Variants in THADA observed in about 807,000 individuals in gnomAD.
THADA encodes tRNA (32-2'-O)-methyltransferase regulator THADA.
Under a neutral mutation model 219.8 loss-of-function variants are expected in THADA, and 213 were observed. The ratio of observed to expected loss-of-function variants is 0.97; its 90% confidence interval spans 0.87 to 1.09. The LOEUF is 1.09. Among genes scored for constraint, THADA ranks in the 50% least tolerant of loss-of-function variants. THADA has a pLI of 0.00. For missense variants in THADA, 2,956 were observed against 2,311.3 expected (o/e 1.28, Z -5.72); for synonymous variants, 1,018 against 828.9 (o/e 1.23, Z -3.92).
intron 3 of THADA, 109 bp from the exon 4 acceptor site, chr2:43,591,063 G>C (rs932683591): frequency 6.8e-6 from 7 of 1,032,778 alleles, no homozygotes; most frequent in Non-Finnish European, 9.7e-6. Context: ...GCTCACCCCT[G>C]TAATCCCAAC....
intron 30 of THADA, among the ~76,000 whole-genome samples, chr2:43,333,736 G>A (rs1441171289): frequency 4.6e-5 from 7 of 152,232 alleles, no homozygotes; most frequent in South Asian, 4.1e-4. Flanking sequence ...CAATCATCCT[G>A]GACTGGATTC....
chr2:43,507,405 A>T (rs889382202), intron 23 of THADA, among the ~76,000 whole-genome samples: 1 of 152,180 alleles, frequency 6.6e-6, no homozygotes, highest in Non-Finnish European at 1.5e-5. Flanking sequence ...CTGTCTTAAC[A>T]TTTGATCTCA....
At chr2:43,445,459 T>C (rs972563439) in intron 26 of THADA, among the ~76,000 whole-genome samples, 4 of 152,192 alleles carry the variant, frequency 2.6e-5, no homozygotes, top group African/African-American at 9.7e-5. Context: ...AGAAAAGAGA[T>C]GTCAGGAGTC....
At chr2:43,489,832 T>A (rs1446220248) in intron 25 of THADA, among the ~76,000 whole-genome samples, 1 of 145,438 alleles carries the variant, frequency 6.9e-6, no homozygotes, top group Non-Finnish European at 1.5e-5. Context: ...TTGTTTTGGC[T>A]ATTATGGGTC....
chr2:43,498,591 G>A (rs1688559269), intron 25 of THADA, among the ~76,000 whole-genome samples: 2 of 151,652 alleles, frequency 1.3e-5, no homozygotes, highest in Admixed American at 1.3e-4. Flanking sequence ...CATACATACT[G>A]TAAACCCTAA....
At chr2:43,456,616 G>A (rs185166055) in intron 26 of THADA, among the ~76,000 whole-genome samples, 11 of 151,796 alleles carry the variant, frequency 7.2e-5, no homozygotes, top group Admixed American at 4.6e-4. Flanking sequence ...TCTATAAAAT[G>A]GGAATAATAG....
intron 31 of THADA, among the ~76,000 whole-genome samples, chr2:43,304,758 G>A (rs571488244): frequency 6.7e-6 from 1 of 149,730 alleles, no homozygotes; most frequent in South Asian, 2.1e-4. Context: ...CGCAACCTCC[G>A]CCTTTCGGGT....
At chr2:43,284,140 T>C (rs933537552) in intron 35 of THADA, among the ~76,000 whole-genome samples, 4 of 152,058 alleles carry the variant, frequency 2.6e-5, no homozygotes, top group East Asian at 1.9e-4. Flanking sequence ...GATCGTGCCA[T>C]TGCACTGCAG....
chr2:43,338,061 A>C (rs1666667490), intron 30 of THADA, among the ~76,000 whole-genome samples: 1 of 152,140 alleles, frequency 6.6e-6, no homozygotes, highest in Admixed American at 6.5e-5. Context: ...GATGAAATAT[A>C]CATAATATAA....
intron 25 of THADA, among the ~76,000 whole-genome samples, chr2:43,485,727 T>G (rs958280612): frequency 1.3e-5 from 2 of 152,122 alleles, no homozygotes; most frequent in Non-Finnish European, 2.9e-5. Flanking sequence ...GAGAAAATAC[T>G]TATAAAACCT....
At chr2:43,518,946 C>A (rs1558899222) in intron 22 of THADA, among the ~76,000 whole-genome samples, 1 of 152,162 alleles carries the variant, frequency 6.6e-6, no homozygotes, top group East Asian at 1.9e-4. Flanking sequence ...TTCCAACTGT[C>A]TGCTATCCCG....
intron 22 of THADA, among the ~76,000 whole-genome samples, chr2:43,514,711 T>TAATATATTATATA (rs1691053237): frequency 1.7e-4 from 12 of 71,162 alleles, no homozygotes; most frequent in African/African-American, 3.5e-4. Flanking sequence ...AATATATATA[T>TAATATATTATATA]AAATATATAT....
rs571277661 is a variant in THADA, at chr2:43,339,062, T to C, written c.4343+5060A>G. Among the ~76,000 whole-genome samples the C allele has an allele frequency of 9.2e-5, 14 of 152,180 alleles. No homozygotes were observed. The East Asian group carries it at 2.5e-3, about 27-fold the overall frequency. Reference sequence around the variant, plus strand: ...GCCTTGACAAAGTTAAAAAAAAGCATAGGAAAAAAGATGAAGGAATTACAT... The same window carrying C: ...GCCTTGACAAAGTTAAAAAAAAGCACAGGAAAAAAGATGAAGGAATTACAT... On this transcript the variant is annotated intron_variant, in intron 30 of 37. Coordinates refer to ENST00000405975, the MANE Select transcript of THADA (RefSeq NM_022065.5).
intron 36 of THADA, among the ~76,000 whole-genome samples, chr2:43,265,648 G>A (rs899150025): frequency 6.6e-6 from 1 of 152,186 alleles, no homozygotes; most frequent in Non-Finnish European, 1.5e-5. Flanking sequence ...GGAGCTGAAT[G>A]AGAAGCCCAC....
Position 43,427,010 on chromosome 2 carries a change from T to A in THADA, c.4058+1090A>T, listed in dbSNP as rs111921528. 2.4e-4 allele frequency among the ~76,000 whole-genome samples: 36 copies of A among 152,254 alleles called. 1 individual carries two copies. Among genetic ancestry groups the A allele is most frequent in the African/African-American group, 8.4e-4 (35 of 41,544 alleles). On this transcript the variant is annotated intron_variant, in intron 28 of 37. Coordinates refer to ENST00000405975, the MANE Select transcript of THADA (RefSeq NM_022065.5). ...AGAAGACGGCAAATGCCTGAAAAGA[T>A]GTAACACAAGAAGTGGTAATAGGCT...
chr2:43,231,370 C>CA (rs1414813406), intron 37 of THADA, 27 bp from the exon 38 acceptor site: 2 of 1,486,796 alleles, frequency 1.3e-6, no homozygotes, highest in East Asian at 2.4e-5. Flanking sequence ...AGCCGAAAGT[C>CA]AGTCTTACAG....
chr2:43,274,998 C>CT (rs1002469067), intron 36 of THADA, among the ~76,000 whole-genome samples: 101 of 66,318 alleles, frequency 1.5e-3, no homozygotes, highest in East Asian at 4.9e-3. Context: ...CTTTTCTTTT[C>CT]TTTTTTTTTT....
chr2:43,579,690 C>A (rs936732560), intron 8 of THADA, among the ~76,000 whole-genome samples: 6 of 152,302 alleles, frequency 3.9e-5, no homozygotes, highest in Admixed American at 2.0e-4. Context: ...ACTTGAGTAT[C>A]CTGATCAAAA....
chr2:43,526,860 G>C (rs1323948500), intron 22 of THADA, among the ~76,000 whole-genome samples: 1 of 152,108 alleles, frequency 6.6e-6, no homozygotes, highest in Admixed American at 6.6e-5. Flanking sequence ...CACACTGCTG[G>C]TATTCATACA....
Sources: gnomAD v4.1 joint callset for allele counts (sites outside exome capture counted in the v4.1 genomes callset) on GRCh38, gnomAD v4.1.1 for gene constraint, MANE v1.5 for transcripts, NCBI Gene and HGNC (gene_info 2026-07-23, HGNC 2026-07-21) for gene names.